The following MYZAP variants were observed in gnomAD, a reference collection of about 807,000 sequenced individuals.
MYZAP encodes myocardial zonula adherens protein.
A neutral mutation model predicts 69.4 loss-of-function variants in MYZAP; 66 were observed. The ratio of observed to expected loss-of-function variants is 0.95; its 90% CI spans 0.78 to 1.17. MYZAP has a LOEUF of 1.17. MYZAP is among the 50% of genes most tolerant of loss of function. The probability of loss-of-function intolerance (pLI) is 0.00; values close to 1 mark genes in which losing one functional copy is unlikely to be tolerated. For synonymous variants in MYZAP, 256 were observed against 205.9 expected (o/e 1.24, Z -2.09); for missense variants, 611 against 556.2 (o/e 1.10, Z -0.99).
chr15:57,660,879 C>T (rs2038260261), intron 10 of MYZAP, among the ~76,000 whole-genome samples: 1 of 152,138 alleles, frequency 6.6e-6, no homozygotes, highest in Admixed American at 6.6e-5. Context: ...GCCTTTCTTG[C>T]TTACTCCAGG....
chr15:57,599,457 C>T, intron 1 of MYZAP: 2 of 1,174,088 alleles, frequency 1.7e-6, no homozygotes, highest in Non-Finnish European at 2.1e-6. Context: ...AGTCCAGCTT[C>T]CTGCTTTGAT....
At chr15:57,668,898 T>A (rs923367078) in intron 11 of MYZAP, among the ~76,000 whole-genome samples, 19 of 146,322 alleles carry the variant, frequency 1.3e-4, no homozygotes, top group South Asian at 6.3e-4. Context: ...ATATATATTT[T>A]TTTTTTTTTG....
At chr15:57,602,546 T>G in intron 1 of MYZAP, among the ~76,000 whole-genome samples, 1 of 152,202 alleles carries the variant, frequency 6.6e-6, no homozygotes, top group East Asian at 1.9e-4. Flanking sequence ...GGTCACATTC[T>G]GAGATGCCAG....
chr15:57,618,019 C>T lies in MYZAP; in HGVS notation c.163-14C>T. On this transcript the variant is annotated splice_polypyrimidine_tract_variant and intron_variant, in intron 2 of 12. Transcript: ENST00000267853. ...GAGTCATTATTCTTTTTTTCTTTTC[C>T]TACTTTCTTTTAGCTTCTTGACCTG... The T allele has an allele frequency of 2.5e-6, 4 of 1,603,098 alleles. No individual in the cohort carries two copies. The highest frequency in any genetic ancestry group is 1.8e-5 in the Admixed American group (1 of 57,002).
chr15:57,650,123 C>T (rs992703712), intron 10 of MYZAP, among the ~76,000 whole-genome samples: 5 of 152,158 alleles, frequency 3.3e-5, no homozygotes, highest in Non-Finnish European at 7.3e-5. Flanking sequence ...TTTTGGCTCA[C>T]GGAAAGCTTG....
chr15:57,684,938 G>C lies in MYZAP; in HGVS notation c.*440G>C, dbSNP rs907419524. On this transcript the variant is annotated 3_prime_UTR_variant, in exon 13 of 13. Coordinates refer to ENST00000267853, the MANE Select transcript of MYZAP (RefSeq NM_001018100.5). ...AGAGGCAGCGTTTCTCTGATACAGA[G>C]AGGCCTGTCCACAAGAAGCATGGGC... 6.5e-6 allele frequency: 1 copy of C among 154,578 alleles called. No individual in the cohort carries two copies. Among genetic ancestry groups the C allele is most frequent in the Admixed American group, 6.4e-5 (1 of 15,600 alleles). 9.6% of individuals were successfully genotyped at this position (154,578 alleles called of 1,614,324 possible).
chr15:57,617,679 G>T (rs1326663305), intron 2 of MYZAP, among the ~76,000 whole-genome samples: 1 of 152,200 alleles, frequency 6.6e-6, no homozygotes, highest in Non-Finnish European at 1.5e-5. Context: ...GAGAAGCTGG[G>T]ATAAGGGGAA....
intron 6 of MYZAP, among the ~76,000 whole-genome samples, chr15:57,630,985 G>A (rs1355286450): frequency 6.6e-6 from 1 of 152,196 alleles, no homozygotes; most frequent in Non-Finnish European, 1.5e-5. Context: ...CCCGGTCTCT[G>A]TATTGCCGCC....
chr15:57,666,645 C>T (rs1257541486), intron 11 of MYZAP, among the ~76,000 whole-genome samples: 5 of 151,980 alleles, frequency 3.3e-5, no homozygotes, highest in Admixed American at 1.3e-4. Context: ...AACATGGGAA[C>T]GATAAACACT....
rs1237096172 is a variant in MYZAP at position 57,675,012 on chromosome 15, G to A, written c.1248G>A (p.Gln416=). The part of the protein sequence containing the change: ...QSRLDYLTET[Q]AKTEVETREI... ...GGTTGGACTATTTAACAGAAACCCAGGCCAAGACCGAAGTGGAAACCAGAG... is the reference window on the plus strand; with the variant it reads ...GGTTGGACTATTTAACAGAAACCCAAGCCAAGACCGAAGTGGAAACCAGAG... The change falls in exon 12 of 13, where the codon CAG becomes CAA. Residue 416 remains glutamine, a synonymous_variant. Transcript: ENST00000267853. 6.2e-7 allele frequency: 1 copy of A among 1,613,458 alleles called. No homozygotes were observed. Among genetic ancestry groups the A allele is most frequent in the African/African-American group, 1.3e-5 (1 of 74,886 alleles).
chr15:57,679,205 A>G (rs149451877), intron 12 of MYZAP, among the ~76,000 whole-genome samples: 108 of 152,304 alleles, frequency 7.1e-4, no homozygotes, highest in African/African-American at 2.5e-3. Context: ...TTGATGCTCA[A>G]TAAACATTTG....
chr15:57,663,510 G>C (rs1360432122), intron 11 of MYZAP, among the ~76,000 whole-genome samples: 5 of 152,312 alleles, frequency 3.3e-5, no homozygotes, highest in African/African-American at 1.2e-4. Flanking sequence ...GAGGACAGCT[G>C]AGGCTCACTC....
At chr15:57,609,682 C>T (rs1164012923) in intron 2 of MYZAP, among the ~76,000 whole-genome samples, 1 of 152,126 alleles carries the variant, frequency 6.6e-6, no homozygotes, top group Non-Finnish European at 1.5e-5. Flanking sequence ...GATGAATTAG[C>T]TGTGGGCTTT....
chr15:57,644,429 C>G (rs1409223901), intron 10 of MYZAP, among the ~76,000 whole-genome samples: 1 of 152,032 alleles, frequency 6.6e-6, no homozygotes, highest in African/African-American at 2.4e-5. Context: ...GATTCTGTGA[C>G]AGCTCACTCT....
At chr15:57,667,447 G>A (rs974041500) in intron 11 of MYZAP, among the ~76,000 whole-genome samples, 1 of 152,190 alleles carries the variant, frequency 6.6e-6, no homozygotes, top group Admixed American at 6.5e-5. Context: ...ATAAACACAA[G>A]GGGGTGGTGT....
chr15:57,611,498 C>T (rs760113749), intron 2 of MYZAP, among the ~76,000 whole-genome samples: 9 of 152,082 alleles, frequency 5.9e-5, no homozygotes, highest in South Asian at 2.1e-4. Flanking sequence ...CTATTGTCTG[C>T]GTTGAAGCTG....
intron 11 of MYZAP, among the ~76,000 whole-genome samples, chr15:57,666,895 T>A (rs2038600418): frequency 6.6e-6 from 1 of 150,672 alleles, no homozygotes; most frequent in African/African-American, 2.5e-5. Flanking sequence ...TTTCAAACAA[T>A]TTTTTTTATT....
At chr15:57,592,715 C>T (rs182293369) in intron 1 of MYZAP, among the ~76,000 whole-genome samples, 66 of 152,296 alleles carry the variant, frequency 4.3e-4, no homozygotes, top group Non-Finnish European at 7.4e-4. Flanking sequence ...GACAGCATCT[C>T]CAGGGAAGGT....
At chr15:57,607,955 C>T (rs1306520460) in intron 2 of MYZAP, among the ~76,000 whole-genome samples, 3 of 152,276 alleles carry the variant, frequency 2.0e-5, no homozygotes, top group Non-Finnish European at 4.4e-5. Flanking sequence ...CATGGCTTCC[C>T]CTCCTTGGAA....
Sources: gnomAD v4.1 joint callset for allele counts (sites outside exome capture counted in the v4.1 genomes callset) on GRCh38, gnomAD v4.1.1 for gene constraint, MANE v1.5 for transcripts, NCBI Gene and HGNC (gene_info 2026-07-23, HGNC 2026-07-21) for gene names.